Variants in NCF2 observed in about 807,000 individuals in gnomAD.
The protein encoded by NCF2 is neutrophil cytosolic factor 2.
In NCF2, 45 loss-of-function variants were observed where a neutral mutation model predicts 70.9. The ratio of observed to expected loss-of-function variants is 0.63; its 90% CI spans 0.50 to 0.81. The LOEUF (loss-of-function observed/expected upper bound fraction) is 0.81. Ranked by LOEUF, NCF2 falls within the 40% of genes least tolerant of loss-of-function variation. The pLI, the probability that NCF2 is intolerant of heterozygous loss-of-function variation, is 0.00. For missense variants in NCF2, 522 were observed against 631.6 expected, an observed-to-expected ratio of 0.83 and a Z score of 1.86; for synonymous variants, 203 against 233.6, an observed-to-expected ratio of 0.87 and a Z score of 1.19.
At chr1:183,598,952 G>A in the NCF2 span, among the ~76,000 whole-genome samples, 1 of 152,192 alleles carries the variant, frequency 6.6e-6, no homozygotes, top group Non-Finnish European at 1.5e-5. Flanking sequence ...AATTCTAGAA[G>A]TGGTATCAAA....
At chr1:183,574,831 G>A (rs1024104779) in intron 3 of NCF2, among the ~76,000 whole-genome samples, 3 of 152,174 alleles carry the variant, frequency 2.0e-5, no homozygotes, top group South Asian at 2.1e-4. Context: ...CATGGAATGC[G>A]TAAATGCAAC....
At chr1:183,585,161 T>A (rs963622005) in intron 2 of NCF2, among the ~76,000 whole-genome samples, 3 of 152,194 alleles carry the variant, frequency 2.0e-5, no homozygotes, top group African/African-American at 7.2e-5. Flanking sequence ...TTTTACAGGC[T>A]CTGTTTCTGA....
the NCF2 span, among the ~76,000 whole-genome samples, chr1:183,599,423 C>CTTCTTTCTTTCTTTCTTTCTTTCCTTCT: frequency 9.3e-6 from 1 of 107,426 alleles, no homozygotes; most frequent in Non-Finnish European, 1.9e-5. Context: ...TCTTTCTTTC[C>CTTCTTTCTTTCTTTCTTTCTTTCCTTCT]TTCTTTCTTT....
At chr1:183,599,434 C>CT in the NCF2 span, among the ~76,000 whole-genome samples, 1 of 92,256 alleles carries the variant, frequency 1.1e-5, no homozygotes, top group African/African-American at 3.8e-5. Flanking sequence ...TTCTTTCTTT[C>CT]TTTCTTTCTT....
At chr1:183,585,580 G>A (rs578154138) in intron 2 of NCF2, among the ~76,000 whole-genome samples, 4 of 142,190 alleles carry the variant, frequency 2.8e-5, no homozygotes, top group Non-Finnish European at 3.0e-5. Flanking sequence ...AGCCGAGATC[G>A]CGCCACTGCA....
chr1:183,576,244 G>A (rs539221356), intron 3 of NCF2, among the ~76,000 whole-genome samples: 2 of 152,302 alleles, frequency 1.3e-5, no homozygotes, highest in Admixed American at 6.5e-5. Flanking sequence ...TTTACTTGCA[G>A]AGAGGGCCAC....
At position 183,565,756 on chromosome 1, in the gene NCF2, G is replaced by A. The variant is rs754545169; in HGVS notation, c.948C>T (p.Asp316=). Residue 316 remains aspartate (D), a synonymous_variant, in exon 10 of 15, where the codon GAC becomes GAT. Transcript: ENST00000367535. ...QPQEESSPQS[D]IPAPPSSKAP... is the part of the protein sequence containing the mutation. ...CTTTGGAACTAGGAGGAGCTGGGAT[G>A]TCGGACTGCGGAGAGCTTTCCTCCT... 5 of 1,613,368 alleles carry A rather than the reference G, an allele frequency of 3.1e-6. No homozygotes were observed. The highest frequency in any genetic ancestry group is 4.2e-6 in the Non-Finnish European group (5 of 1,180,030).
chr1:183,570,963 CTA>C, intron 5 of NCF2, 124 bp from the exon 6 acceptor site: 2 of 900,778 alleles, frequency 2.2e-6, no homozygotes, highest in Non-Finnish European at 3.6e-6. Flanking sequence ...TGGACAGTAA[CTA>C]AGGATTAGAT....
At chr1:183,588,481 A>G (rs1673482342) in intron 1 of NCF2, among the ~76,000 whole-genome samples, 1 of 151,526 alleles carries the variant, frequency 6.6e-6, no homozygotes, top group African/African-American at 2.4e-5. Context: ...TCTCAAAAAA[A>G]AAAAAAAAGA....
intron 7 of NCF2, among the ~76,000 whole-genome samples, chr1:183,567,711 G>A (rs1672374840): frequency 6.6e-6 from 1 of 152,182 alleles, no homozygotes; most frequent in Non-Finnish European, 1.5e-5. Context: ...ACTGTGGTCA[G>A]GGGAACAGCA....
the NCF2 span, among the ~76,000 whole-genome samples, chr1:183,599,438 CTTTCTTTCTTT>C: frequency 1.0e-5 from 1 of 96,242 alleles, no homozygotes; most frequent in Non-Finnish European, 2.3e-5. Context: ...TTCTTTCTTT[CTTTCTTTCTTT>C]CTTTCTTTCT....
intron 6 of NCF2, among the ~76,000 whole-genome samples, chr1:183,569,685 T>C (rs987567211): frequency 6.6e-6 from 1 of 152,242 alleles, no homozygotes; most frequent in African/African-American, 2.4e-5. Flanking sequence ...GCCTCCCTCA[T>C]TGAGGTGATT....
At chr1:183,591,118 G>A (rs1228633577), upstream of NCF2, among the ~76,000 whole-genome samples, 3 of 152,322 alleles carry the variant, frequency 2.0e-5, no homozygotes, top group East Asian at 3.9e-4. Context: ...CCTCTCCACT[G>A]AAAGCTGTTT....
intron 14 of NCF2, among the ~76,000 whole-genome samples, chr1:183,556,695 T>TC (rs946186836): frequency 6.6e-6 from 1 of 152,104 alleles, no homozygotes; most frequent in African/African-American, 2.4e-5. Context: ...CACGCTTGGT[T>TC]AATTTTTGTA....
chr1:183,590,021 C>T (rs1306863179), intron 1 of NCF2, 135 bp downstream of exon 1: 12 of 1,334,298 alleles, frequency 9.0e-6, no homozygotes, highest in East Asian at 6.9e-5. Flanking sequence ...TTAAATCAGG[C>T]TGTCTAGGGG....
chr1:183,568,914 A>G (rs1672424621), intron 7 of NCF2, among the ~76,000 whole-genome samples: 2 of 152,226 alleles, frequency 1.3e-5, no homozygotes, highest in South Asian at 4.1e-4. Flanking sequence ...GCCCCACCAC[A>G]GTCAAGACTC....
rs192496685 is a variant in NCF2 at position 183,564,449 on chromosome 1, G to T, written c.1001-419C>A. ...TTTATTTTTGTGTATGTTTCCTAAA[G>T]TTTATTAATTTAATCTAATCTATTA... On this transcript the variant is annotated intron_variant, in intron 10 of 14. Transcript: ENST00000367535. Among the ~76,000 whole-genome samples, 134 of 152,290 alleles carry T rather than the reference G, an allele frequency of 8.8e-4. 2 individuals are homozygous for T. The East Asian group carries it at 0.018, about 21-fold the overall frequency.
chr1:183,586,440 G>A (rs112429474), intron 2 of NCF2, among the ~76,000 whole-genome samples: 3 of 152,328 alleles, frequency 2.0e-5, no homozygotes, highest in African/African-American at 7.2e-5. Flanking sequence ...ATGTTAATTT[G>A]TATTATCATT....
Position 183,574,581 on chromosome 1 carries a change from T to A in NCF2, c.407A>T (p.Glu136Val). 1 of 1,614,074 alleles carries A rather than the reference T, an allele frequency of 6.2e-7. No homozygotes were observed. The highest frequency in any genetic ancestry group is 8.5e-7 in the Non-Finnish European group (1 of 1,180,012). Reference protein sequence around the residue: ...NIAFMYAKKEEWKKAEEQLAL... With the variant: ...NIAFMYAKKEVWKKAEEQLAL... ...TAACTGTTCTTCAGCTTTTTTCCAT[T>A]CCTCCTTCTTGGCATACATGAAAGC... The change falls in exon 4 of 15, where the codon GAA (glutamate) becomes GTA (valine). Residue 136 changes from glutamate (E) to valine (V), a missense_variant. Glu to Val is a moderately radical substitution (Grantham distance 121). Transcript: ENST00000367535.
Sources: gnomAD v4.1 joint callset for allele counts (sites outside exome capture counted in the v4.1 genomes callset) on GRCh38, gnomAD v4.1.1 for gene constraint, MANE v1.5 for transcripts, NCBI Gene and HGNC (gene_info 2026-07-23, HGNC 2026-07-21) for gene names.